The following TPRA1 variants were observed in gnomAD, a reference collection of about 807,000 sequenced individuals.
The protein encoded by TPRA1 is transmembrane protein adipocyte-associated 1.
TPRA1 carries 28 observed loss-of-function variants against 40.1 expected under a neutral mutation model. The ratio of observed to expected loss-of-function variants is 0.70; its 90% CI spans 0.52 to 0.96. The LOEUF is 0.96. Among genes scored for constraint, TPRA1 ranks in the 40% least tolerant of loss-of-function variants. The pLI, the probability that TPRA1 is intolerant of heterozygous loss-of-function variation, is 0.00. For missense variants in TPRA1, 441 were observed against 482.6 expected (o/e 0.91, Z 0.81); for synonymous variants, 219 against 209.7 (o/e 1.04, Z -0.38).
chr3:127,577,182 C>T (rs963105628), intron 3 of TPRA1, 106 bp from the exon 4 acceptor site: 7 of 1,198,810 alleles, frequency 5.8e-6, no homozygotes, highest in Non-Finnish European at 8.5e-6. Flanking sequence ...TTCCTGAGGT[C>T]GGAAAGGAGG....
chr3:127,583,817 C>T (rs13062326), intron 1 of TPRA1, among the ~76,000 whole-genome samples: 30,741 of 151,910 alleles, frequency 0.2, 3,808 homozygotes, highest in Middle Eastern at 0.42. Context: ...GCTACAGGCA[C>T]GTGCCACCAT....
Position 127,575,090 on chromosome 3 carries a change from T to C in TPRA1, c.854+95A>G, listed in dbSNP as rs147991025. The stretch of plus-strand genomic sequence containing the variant: ...TGCGTGCGCATGCGCACTGTATGCA[T>C]ACACAGCCTCTCAGCTTCAATCCTC... On this transcript the variant is annotated intron_variant, in intron 10 of 10. Coordinates refer to ENST00000355552, the MANE Select transcript of TPRA1 (RefSeq NM_001136053.4). 721 of 1,395,914 alleles carry C rather than the reference T, an allele frequency of 5.2e-4. 6 individuals carry two copies. In the Middle Eastern group the frequency reaches 7.9e-3, roughly 15 times the overall value. The allele number at this position is 1,395,914 out of a possible 1,614,324, so 86.5% of individuals were successfully genotyped here. A position where few individuals can be genotyped will look rare whatever the true frequency, so the allele number is the denominator to read the frequency against.
intron 10 of TPRA1, 80 bp from the exon 11 acceptor site, chr3:127,573,868 C>A: frequency 6.8e-7 from 1 of 1,478,906 alleles, no homozygotes. Flanking sequence ...GATGGGGCCA[C>A]CAGATAAGGA....
At chr3:127,582,517 A>G (rs952471142) in intron 1 of TPRA1, among the ~76,000 whole-genome samples, 1 of 152,072 alleles carries the variant, frequency 6.6e-6, no homozygotes, top group Admixed American at 6.5e-5. Flanking sequence ...CCTGGCCAAC[A>G]TGCCAAAACC....
chr3:127,581,275 C>T (rs951407705), intron 1 of TPRA1, among the ~76,000 whole-genome samples: 5 of 152,184 alleles, frequency 3.3e-5, no homozygotes, highest in African/African-American at 4.8e-5. Flanking sequence ...CAGCCCCAGG[C>T]GGGGAGCAGC....
intron 3 of TPRA1, among the ~76,000 whole-genome samples, chr3:127,578,031 A>G (rs2073705278): frequency 1.3e-5 from 2 of 152,162 alleles, no homozygotes; most frequent in Admixed American, 1.3e-4. Flanking sequence ...TGGGAGATGG[A>G]GATGGTGCCC....
At chr3:127,579,125 C>CA (rs2073744457) in intron 3 of TPRA1, among the ~76,000 whole-genome samples, 1 of 152,254 alleles carries the variant, frequency 6.6e-6, no homozygotes, top group Admixed American at 6.5e-5. Context: ...ACAGCCCTGA[C>CA]ACCTCTCCCC....
intron 1 of TPRA1, among the ~76,000 whole-genome samples, chr3:127,585,657 C>T (rs922910576): frequency 1.3e-5 from 2 of 152,212 alleles, no homozygotes; most frequent in African/African-American, 2.4e-5. Flanking sequence ...AGGCCAAAGA[C>T]GGCTGATGGT....
chr3:127,585,141 T>C (rs962020699), intron 1 of TPRA1, among the ~76,000 whole-genome samples: 34 of 152,132 alleles, frequency 2.2e-4, no homozygotes, highest in African/African-American at 8.0e-4. Context: ...CCAATGAATA[T>C]AAAGGTACTG....
rs906971600 is a variant in TPRA1 at position 127,575,941 on chromosome 3, A to G, written c.608T>C (p.Leu203Pro). The G allele has an allele frequency of 1.2e-6, 2 of 1,613,766 alleles. No individual in the cohort carries two copies. Among genetic ancestry groups the G allele is most frequent in the Admixed American group, 1.7e-5 (1 of 60,012 alleles). The change falls in exon 7 of 11, where the codon CTG (leucine) becomes CCG (proline). Residue 203 changes from leucine to proline, a missense_variant and splice_region_variant. Physicochemically the swap from Leu to Pro is moderately conservative, Grantham distance 98. Transcript: ENST00000355552. The part of the protein sequence containing the change: ...FWLVSSCFFF[L>P]VYSLVVILPK... ...CAGCTGCCCCAGCCTGAACCTCACC[A>G]GGAAGAAGAAGCAGGAGCTGACCAG...
intron 1 of TPRA1, among the ~76,000 whole-genome samples, chr3:127,582,044 C>T (rs1232958659): frequency 1.3e-5 from 2 of 152,200 alleles, no homozygotes; most frequent in Non-Finnish European, 2.9e-5. Flanking sequence ...TCTGCAGAAA[C>T]GCAACAGGAG....
At chr3:127,586,627 G>A (rs2074009725) in intron 1 of TPRA1, among the ~76,000 whole-genome samples, 1 of 152,194 alleles carries the variant, frequency 6.6e-6, no homozygotes, top group Admixed American at 6.5e-5. Context: ...CCAAAGTGCT[G>A]AGATTACAGG....
chr3:127,577,158 A>G, intron 3 of TPRA1, 82 bp from the exon 4 acceptor site: 1 of 1,411,518 alleles, frequency 7.1e-7, no homozygotes. Context: ...CCCCATATCT[A>G]CAGGAGCCTT....
Position 127,577,094 on chromosome 3 carries a change from G to A in TPRA1, c.259-18C>T. The A allele has an allele frequency of 6.2e-7, 1 of 1,612,572 alleles. No individual in the cohort carries two copies. Among genetic ancestry groups the A allele is most frequent in the South Asian group, 1.1e-5 (1 of 90,990 alleles). On this transcript the variant is annotated intron_variant, in intron 3 of 10. Coordinates refer to ENST00000355552, the MANE Select transcript of TPRA1 (RefSeq NM_001136053.4). ...ACAAACACCTGGTGGGCAAGGGAGT[G>A]GTGTGGCAGTCAGGGAACAAGAGCC...
At chr3:127,590,054 C>A (rs1012067627) in intron 1 of TPRA1, among the ~76,000 whole-genome samples, 3 of 152,212 alleles carry the variant, frequency 2.0e-5, no homozygotes, top group Admixed American at 1.3e-4. Context: ...GGGCAGCCAC[C>A]GTGGGGCTGG....
At position 127,577,619 on chromosome 3, in the gene TPRA1, G is replaced by C. The variant is rs984618794; in HGVS notation, c.259-543C>G. Among the ~76,000 whole-genome samples the C allele has an allele frequency of 4.6e-5, 7 of 152,242 alleles. No individual in the cohort carries two copies. In the East Asian group the frequency reaches 1.4e-3, roughly 29 times the overall value. ...GGACCAGGCAAAAGGTCACCGAGAA[G>C]AGGTGCAGAGACCTCTAGGGAAGCC... On this transcript the variant is annotated intron_variant, in intron 3 of 10. Transcript: ENST00000355552.
intron 1 of TPRA1, among the ~76,000 whole-genome samples, chr3:127,585,968 T>C (rs1366675000): frequency 1.3e-5 from 2 of 152,172 alleles, no homozygotes; most frequent in Non-Finnish European, 2.9e-5. Context: ...ATGTCTGCAA[T>C]GCATAGGACA....
In TPRA1 at chr3:127,573,362, G is replaced by A; in HGVS notation, c.*159C>T. 2.2e-6 allele frequency: 2 copies of A among 919,832 alleles called. No individual in the cohort carries two copies. The highest frequency in any genetic ancestry group is 3.2e-6 in the Non-Finnish European group (2 of 634,210). 57.0% of individuals were successfully genotyped at this position (919,832 alleles called of 1,614,324 possible). On this transcript the variant is annotated 3_prime_UTR_variant, in exon 11 of 11. Coordinates refer to ENST00000355552, the MANE Select transcript of TPRA1 (RefSeq NM_001136053.4). ...GAGCAGAGATGGCAAAGGGGATTGG[G>A]AGCCCCAGGGAGGTGGGGCCTCCAG...
chr3:127,590,443 C>T lies in TPRA1; in HGVS notation c.-51G>A, dbSNP rs1175668246. The T allele has an allele frequency of 2.7e-5, 3 of 113,142 alleles. No homozygotes were observed. The East Asian group carries it at 6.0e-4, about 23-fold the overall frequency. The allele number at this position is 113,142 out of a possible 1,614,324, so 7.0% of individuals were successfully genotyped here. On this transcript the variant is annotated 5_prime_UTR_variant, in exon 1 of 11. Coordinates refer to ENST00000355552, the MANE Select transcript of TPRA1 (RefSeq NM_001136053.4). ...CCGGGCCGCGCTCAGGACCGGCCGC[C>T]CCGGCCGCCCCGGCCGCCCATCCGC...
Sources: gnomAD v4.1 joint callset for allele counts (sites outside exome capture counted in the v4.1 genomes callset) on GRCh38, gnomAD v4.1.1 for gene constraint, MANE v1.5 for transcripts, NCBI Gene and HGNC (gene_info 2026-07-23, HGNC 2026-07-21) for gene names.